The following KIF21B variants were observed in gnomAD, a reference collection of about 807,000 sequenced individuals.
The protein encoded by KIF21B is kinesin-like protein KIF21B.
KIF21B carries 85 observed loss-of-function variants against 192.9 expected under a neutral mutation model. The observed-to-expected ratio is 0.44, with a 90% CI of 0.37 to 0.53. The LOEUF is 0.53. Among genes scored for constraint, KIF21B ranks in the 20% least tolerant of loss-of-function variants. The probability of loss-of-function intolerance (pLI) is 0.00; values close to 1 mark genes in which losing one functional copy is unlikely to be tolerated. For synonymous variants in KIF21B, 832 were observed against 884.6 expected, an observed-to-expected ratio of 0.94 and a Z score of 1.05; for missense variants, 1,716 against 2,194.8, an observed-to-expected ratio of 0.78 and a Z score of 4.36.
Position 200,991,110 on chromosome 1 carries a change from G to T in KIF21B, c.2494C>A (p.Arg832=), listed in dbSNP as rs561504096. 7 of 1,613,740 alleles carry T rather than the reference G, an allele frequency of 4.3e-6. No homozygotes were observed. The South Asian group carries it at 7.7e-5, about 18-fold the overall frequency. ...TTTAGTCCTGCACGCCCTGCCACCCGCTCAGACATGGGCTTGGCCAGGCGC... is the reference window on the plus strand; with the variant it reads ...TTTAGTCCTGCACGCCCTGCCACCCTCTCAGACATGGGCTTGGCCAGGCGC... ...LRRLAKPMSE[R]VAGRAGLKPP... The change falls in exon 18 of 35, where the codon CGG becomes AGG. Residue 832 remains arginine (R), a synonymous_variant. Transcript: ENST00000461742.
chr1:201,004,572 C>G (rs2102449467), intron 6 of KIF21B, 117 bp from the exon 7 acceptor site: 1 of 1,148,860 alleles, frequency 8.7e-7, no homozygotes, highest in East Asian at 2.6e-5. Context: ...CCCTCTTGCT[C>G]CTTGGGTGGG....
chr1:200,974,813 C>T lies in KIF21B; in HGVS notation c.4715G>A (p.Trp1572Ter). 1 of 1,614,240 alleles carries T rather than the reference C, an allele frequency of 6.2e-7. No individual in the cohort carries two copies. Among genetic ancestry groups the T allele is most frequent in the Non-Finnish European group, 8.5e-7 (1 of 1,180,028 alleles). ...GATGGGTGTGAAGTTGTCCACGTTC[C>T]AGACCTTGATGACACCCGCACGGCA... is the stretch of plus-strand genomic sequence containing the variant. The part of the protein sequence containing the change: ...SACRAGVIKV[W>*]NVDNFTPIGE... Residue 1572 changes from tryptophan to a stop codon, truncating the protein, a stop_gained, in exon 34 of 35, where the codon TGG (tryptophan) becomes TAG (stop). Transcript: ENST00000461742. LOFTEE classifies it high-confidence loss of function.
Position 200,990,939 on chromosome 1 carries a change from C to T in KIF21B, c.2665G>A (p.Val889Ile). The T allele has an allele frequency of 4.3e-6, 7 of 1,614,156 alleles. No individual in the cohort carries two copies. Among genetic ancestry groups the T allele is most frequent in the Non-Finnish European group, 5.9e-6 (7 of 1,180,042 alleles). Residue 889 changes from valine to isoleucine, a missense_variant, in exon 18 of 35, where the codon GTC (valine) becomes ATC (isoleucine). Physicochemically the swap from Val to Ile is conservative, Grantham distance 29 (BLOSUM62 3). Coordinates refer to ENST00000461742, the MANE Select transcript of KIF21B (RefSeq NM_001252102.2). The surrounding 1 kb of genome is among the most constrained non-coding windows in gnomAD (Gnocchi z 5.4). The part of the protein sequence containing the change: ...HFLGDHPAPT[V>I]NGTRPARKKF... ...TACCGGGCAGGACGGGTGCCATTGA[C>T]AGTGGGCGCAGGATGGTCCCCCAAG...
At chr1:200,996,172 A>G (rs370190611) in intron 15 of KIF21B, 24 bp downstream of exon 15, 60 of 1,609,854 alleles carry the variant, frequency 3.7e-5, no homozygotes, top group Non-Finnish European at 4.8e-5. Flanking sequence ...TCCAGGCCCC[A>G]CTCCTCACAC....
In KIF21B at chr1:201,017,364, G is replaced by A. The variant is rs1480276354; in HGVS notation, c.41+5979C>T. Among the ~76,000 whole-genome samples, 1 of 152,226 alleles carries A rather than the reference G, an allele frequency of 6.6e-6. No homozygotes were observed. The highest frequency in any genetic ancestry group is 1.5e-5 in the Non-Finnish European group (1 of 68,028). ...CAGGAGCCAGGAACTTCCTGGGCCA[G>A]GGTCGGACTCCTCCATCTCTGGGGC... On this transcript the variant is annotated intron_variant, in intron 1 of 34. Transcript: ENST00000461742. The surrounding 1 kb of genome is among the most constrained non-coding windows in gnomAD (Gnocchi z 4.1).
intron 5 of KIF21B, 146 bp from the exon 6 acceptor site, chr1:201,005,079 T>A: frequency 9.6e-7 from 1 of 1,038,448 alleles, no homozygotes; most frequent in Non-Finnish European, 1.4e-6. Context: ...ATGTGCACAG[T>A]ATTTGCACAA....
chr1:201,006,505 CT>C lies in KIF21B; in HGVS notation c.448-812del, dbSNP rs1374828390. Reference sequence around the variant, plus strand: ...GACTGCAGCCCTCTGACATCTGGGGCTTTGACAGCCCTAAAGGGACAGAAAT... The same window carrying C: ...GACTGCAGCCCTCTGACATCTGGGGCTTGACAGCCCTAAAGGGACAGAAAT... On this transcript the variant is annotated intron_variant, in intron 3 of 34. Transcript: ENST00000461742. Among the ~76,000 whole-genome samples, 4 of 152,132 alleles carry C rather than the reference CT, an allele frequency of 2.6e-5. No individual in the cohort carries two copies. In the East Asian group the frequency reaches 7.7e-4, roughly 29 times the overall value.
In KIF21B at chr1:201,009,386, G is replaced by A; in HGVS notation, c.144C>T (p.Phe48=). 1.9e-6 allele frequency: 3 copies of A among 1,614,278 alleles called. No individual in the cohort carries two copies. Among genetic ancestry groups the A allele is most frequent in the Non-Finnish European group, 2.5e-6 (3 of 1,180,042 alleles). ...CCAGGTCGAAGACAAAGTCATAGGT[G>A]AAGGCCTTGTCCTTCCCCAGCAGGA... The part of the protein sequence containing the change: ...PQVLLGKDKA[F]TYDFVFDLDT... The change falls in exon 2 of 35, where the codon TTC becomes TTT. Residue 48 remains phenylalanine (F), a synonymous_variant. Transcript: ENST00000461742.
chr1:201,005,259 G>C (rs779130052), intron 5 of KIF21B, 49 bp downstream of exon 5: 2 of 1,518,648 alleles, frequency 1.3e-6, no homozygotes, highest in Admixed American at 4.2e-5. Context: ...GCCCTTCCCG[G>C]GATACCCCTG....
chr1:200,977,010 C>A, intron 31 of KIF21B, 117 bp from the exon 32 acceptor site: 1 of 979,864 alleles, frequency 1.0e-6, no homozygotes. Flanking sequence ...TCCCCTCTCG[C>A]TCAAGGCAAG....
chr1:200,985,816 TTTCCC>T (rs1178635501), intron 26 of KIF21B, among the ~76,000 whole-genome samples: 1 of 61,362 alleles, frequency 1.6e-5, no homozygotes, highest in Non-Finnish European at 2.8e-5. Flanking sequence ...CCTCCCTTCC[TTTCCC>T]TTCCCTTCCC....
chr1:200,981,331 T>C (rs1164548404), intron 28 of KIF21B, among the ~76,000 whole-genome samples: 3 of 152,236 alleles, frequency 2.0e-5, no homozygotes, highest in Non-Finnish European at 2.9e-5. Context: ...TGAGCACTTC[T>C]GGGGAAGCAA....
rs780270936 is a variant in KIF21B, at chr1:200,982,290, C to T, written c.3842+766G>A. Among the ~76,000 whole-genome samples, 3 of 152,196 alleles carry T rather than the reference C, an allele frequency of 2.0e-5. No homozygotes were observed. Among genetic ancestry groups the T allele is most frequent in the Non-Finnish European group, 2.9e-5 (2 of 68,044 alleles). On this transcript the variant is annotated intron_variant, in intron 28 of 34. Coordinates refer to ENST00000461742, the MANE Select transcript of KIF21B (RefSeq NM_001252102.2). This position sits in a 1 kb window ranked among gnomAD's most constrained non-coding sequence, Gnocchi z 4.7. ...GGCTAACATCTTGTGGTGGCAAAGC[C>T]TCATGATTCACAGTAAACCAGTTGT...
chr1:201,015,197 C>T (rs1658436330), intron 1 of KIF21B, among the ~76,000 whole-genome samples: 1 of 152,190 alleles, frequency 6.6e-6, no homozygotes, highest in African/African-American at 2.4e-5. Flanking sequence ...TAGCCATCAG[C>T]CCTGAAGATT....
intron 1 of KIF21B, among the ~76,000 whole-genome samples, chr1:201,020,677 A>C (rs941420915): frequency 2.0e-5 from 3 of 152,124 alleles, no homozygotes; most frequent in Admixed American, 6.5e-5. Context: ...GCTCTCCAGG[A>C]GCCCAGGCCT....
intron 15 of KIF21B, among the ~76,000 whole-genome samples, chr1:200,994,843 A>G (rs1227254636): frequency 1.3e-5 from 2 of 152,194 alleles, no homozygotes; most frequent in African/African-American, 4.8e-5. Context: ...AAGGCCCACC[A>G]GCCCCTCCCT....
intron 15 of KIF21B, among the ~76,000 whole-genome samples, chr1:200,994,965 C>A (rs983959221): frequency 2.6e-5 from 4 of 152,244 alleles, no homozygotes; most frequent in Non-Finnish European, 4.4e-5. Flanking sequence ...GCAAACAGGG[C>A]TCCTTGGGGC....
intron 14 of KIF21B, among the ~76,000 whole-genome samples, chr1:200,997,571 T>C (rs758359187): frequency 6.6e-6 from 1 of 152,168 alleles, no homozygotes; most frequent in Non-Finnish European, 1.5e-5. Context: ...AGTGAAACCC[T>C]GTCTCTACTA....
At position 201,023,682 on chromosome 1, in the gene KIF21B, C is replaced by T. The variant is rs928021583; in HGVS notation, c.-299G>A. 3 of 151,406 alleles carry T rather than the reference C, an allele frequency of 2.0e-5. No homozygotes were observed. The highest frequency in any genetic ancestry group is 7.3e-5 in the African/African-American group (3 of 41,334). 9.4% of individuals were successfully genotyped at this position (151,406 alleles called of 1,614,324 possible). ...GCGCGGCACACGCGCACACACCTCC[C>T]ACCCGGCAGCCACCTCCCGCCGCAG... On this transcript the variant is annotated 5_prime_UTR_variant, in exon 1 of 35. Coordinates refer to ENST00000461742, the MANE Select transcript of KIF21B (RefSeq NM_001252102.2). This position sits in a 1 kb window ranked among gnomAD's most constrained non-coding sequence, Gnocchi z 5.9.
Sources: gnomAD v4.1 joint callset for allele counts (sites outside exome capture counted in the v4.1 genomes callset) on GRCh38, gnomAD v4.1.1 for gene constraint, Gnocchi (gnomAD v3.1) non-coding constraint, MANE v1.5 for transcripts, NCBI Gene and HGNC (gene_info 2026-07-23, HGNC 2026-07-21) for gene names.